The following ATG7 variants were observed in gnomAD, a reference collection of about 807,000 sequenced individuals.
ATG7 encodes autophagy related 7.
In ATG7, 70 loss-of-function variants were observed where a neutral mutation model predicts 82.4. That is an observed-to-expected ratio of 0.85 (90% CI 0.70 to 1.04). The LOEUF is 1.04. Ranked by LOEUF, ATG7 falls within the 50% of genes least tolerant of loss-of-function variation. ATG7 has a pLI of 0.00. For missense variants in ATG7, 792 were observed against 864.3 expected (o/e 0.92, Z 1.05); for synonymous variants, 287 against 313.0 (o/e 0.92, Z 0.88).
chr3:11,379,987 T>G lies in ATG7; in HGVS notation c.1891T>G (p.Ser631Ala), dbSNP rs1251291881. 1.9e-6 allele frequency: 3 copies of G among 1,614,212 alleles called. No homozygotes were observed. The highest frequency in any genetic ancestry group is 2.5e-6 in the Non-Finnish European group (3 of 1,180,008). The change falls in exon 19 of 21, where the codon TCA (serine) becomes GCA (alanine). Residue 631 changes from serine (S) to alanine (A), a missense_variant. By Grantham distance (99) the Ser-to-Ala change is moderately conservative (BLOSUM62 1). Coordinates refer to ENST00000693202, the MANE Select transcript of ATG7 (RefSeq NM_001349232.2). ...LVPHQIRGFL[S>A]RFDNVLPVSL... ...TTGTTTTTAGATCCGGGGATTTCTT[T>G]CACGGTTTGATAATGTCCTTCCCGT...
intron 20 of ATG7, among the ~76,000 whole-genome samples, chr3:11,489,183 G>A (rs2090095734): frequency 6.6e-6 from 1 of 152,184 alleles, no homozygotes; most frequent in African/African-American, 2.4e-5. Context: ...TTTCCCAGCT[G>A]TATGCTGGGA....
At chr3:11,421,361 C>A (rs1043143964) in intron 19 of ATG7, among the ~76,000 whole-genome samples, 1 of 152,210 alleles carries the variant, frequency 6.6e-6, no homozygotes, top group African/African-American at 2.4e-5. Context: ...ACTTTATCAA[C>A]ATGATGTTCT....
chr3:11,462,978 TG>T (rs2086481698), intron 20 of ATG7, among the ~76,000 whole-genome samples: 1 of 151,936 alleles, frequency 6.6e-6, no homozygotes, highest in South Asian at 2.1e-4. Context: ...CTCTGCCTCC[TG>T]GGTTCAAGCG....
At chr3:11,451,831 C>A (rs1353032162) in intron 20 of ATG7, among the ~76,000 whole-genome samples, 19 of 149,304 alleles carry the variant, frequency 1.3e-4, no homozygotes, top group Admixed American at 7.4e-4. Context: ...TGCCCTGTCT[C>A]TCTCTATCTC....
intron 1 of ATG7, among the ~76,000 whole-genome samples, chr3:11,275,515 ATTTTTTT>A (rs34040398): frequency 1.8e-5 from 2 of 109,208 alleles, no homozygotes; most frequent in African/African-American, 3.9e-5. Context: ...TGCCCGGCTA[ATTTTTTT>A]TTTTTTTTTT....
the ATG7 span, among the ~76,000 whole-genome samples, chr3:11,564,412 C>CG: frequency 2.0e-5 from 3 of 151,690 alleles, no homozygotes; most frequent in African/African-American, 4.8e-5. Context: ...AGGACCCCCC[C>CG]ACCCGAGGAT....
intron 20 of ATG7, among the ~76,000 whole-genome samples, chr3:11,442,920 G>A (rs1162529715): frequency 2.0e-5 from 3 of 151,894 alleles, no homozygotes; most frequent in Non-Finnish European, 4.4e-5. Context: ...GACCTTGGCT[G>A]TACAACAAAC....
intron 3 of ATG7, among the ~76,000 whole-genome samples, chr3:11,284,518 A>G (rs1325528292): frequency 6.6e-6 from 1 of 152,172 alleles, no homozygotes; most frequent in Non-Finnish European, 1.5e-5. Flanking sequence ...TAGGACTGGT[A>G]TGGTTTAAAG....
intron 20 of ATG7, among the ~76,000 whole-genome samples, chr3:11,456,346 A>G (rs1200012296): frequency 6.6e-6 from 1 of 152,148 alleles, no homozygotes; most frequent in African/African-American, 2.4e-5. Context: ...GTCATATTCC[A>G]TTGTAGGATC....
At chr3:11,366,473 C>T (rs2076619922) in intron 18 of ATG7, among the ~76,000 whole-genome samples, 1 of 152,102 alleles carries the variant, frequency 6.6e-6, no homozygotes, top group Non-Finnish European at 1.5e-5. Flanking sequence ...GCGGTAATAA[C>T]CATCTATCAT....
At chr3:11,327,798 T>C (rs188318496) in intron 9 of ATG7, among the ~76,000 whole-genome samples, 86 of 152,326 alleles carry the variant, frequency 5.6e-4, no homozygotes, top group Non-Finnish European at 1.1e-3. Context: ...GCAGTGCTTC[T>C]GAAACTTCCA....
chr3:11,337,469 G>GCTCTCT (rs66816143), intron 11 of ATG7, among the ~76,000 whole-genome samples: 1 of 149,430 alleles, frequency 6.7e-6, no homozygotes, highest in Non-Finnish European at 1.5e-5. Context: ...TGTCTTTCTA[G>GCTCTCT]CTCTCTCTCT....
At chr3:11,363,806 A>G (rs2076425755) in intron 17 of ATG7, among the ~76,000 whole-genome samples, 1 of 152,222 alleles carries the variant, frequency 6.6e-6, no homozygotes, top group South Asian at 2.1e-4. Context: ...TCAATATGCA[A>G]ATTAACATGA....
chr3:11,365,304 A>G (rs1392039735), intron 18 of ATG7, among the ~76,000 whole-genome samples: 2 of 152,200 alleles, frequency 1.3e-5, no homozygotes, highest in African/African-American at 4.8e-5. Flanking sequence ...CAGGCATGAG[A>G]AAAACATTAG....
At chr3:11,470,005 AAAAAGAGAG>A (rs1209650195) in intron 20 of ATG7, among the ~76,000 whole-genome samples, 37 of 145,720 alleles carry the variant, frequency 2.5e-4, no homozygotes, top group African/African-American at 9.9e-4. Flanking sequence ...AAAAAAAAAA[AAAAAGAGAG>A]AGAGAGATGG....
intron 19 of ATG7, among the ~76,000 whole-genome samples, chr3:11,412,744 A>T (rs565871083): frequency 6.6e-6 from 1 of 152,266 alleles, no homozygotes; most frequent in South Asian, 2.1e-4. Flanking sequence ...TTGTATAGAG[A>T]TCACAATGAA....
At chr3:11,403,705 G>T (rs1259832364) in intron 19 of ATG7, among the ~76,000 whole-genome samples, 3 of 152,120 alleles carry the variant, frequency 2.0e-5, no homozygotes, top group African/African-American at 7.2e-5. Context: ...TAATGAAAAG[G>T]CAAGGAATAT....
At position 11,315,933 on chromosome 3, in the gene ATG7, A is replaced by G. The variant is rs577155962; in HGVS notation, c.678+440A>G. Among the ~76,000 whole-genome samples the G allele has an allele frequency of 3.9e-5, 6 of 152,194 alleles. No homozygotes were observed. In the South Asian group the frequency reaches 8.3e-4, roughly 21 times the overall value. Reference sequence around the variant, plus strand: ...GTAGAGACAGAGACGAGGTTTCACTATGTTGGCCAGGTTGGTCTTGAATGC... The same window carrying G: ...GTAGAGACAGAGACGAGGTTTCACTGTGTTGGCCAGGTTGGTCTTGAATGC... On this transcript the variant is annotated intron_variant, in intron 9 of 20. Transcript: ENST00000693202.
rs543731324 is a variant in ATG7 at position 11,310,784 on chromosome 3, C to G, written c.411+1723C>G. ...AGTAGCCGGGACTACAGGCACCCAC[C>G]ACCACACCCGGCTAATTTTTTGTAT... On this transcript the variant is annotated intron_variant, in intron 7 of 20. Transcript: ENST00000693202. Among the ~76,000 whole-genome samples, 32 of 152,178 alleles carry G rather than the reference C, an allele frequency of 2.1e-4. No homozygotes were observed. In the East Asian group the frequency reaches 6.2e-3, roughly 29 times the overall value.
Sources: allele counts gnomAD v4.1 joint callset (sites outside exome capture counted in the v4.1 genomes callset), GRCh38; gene constraint gnomAD v4.1.1; transcripts MANE v1.5; gene names NCBI Gene and HGNC (gene_info 2026-07-23, HGNC 2026-07-21).